The following ERGIC3 variants were observed in gnomAD, a reference collection of about 807,000 sequenced individuals.
The protein encoded by ERGIC3 is endoplasmic reticulum-Golgi intermediate compartment protein 3.
Under a neutral mutation model 54.7 loss-of-function variants are expected in ERGIC3, and 33 were observed. The ratio of observed to expected loss-of-function variants is 0.60; its 90% CI spans 0.46 to 0.81. The LOEUF is 0.81. ERGIC3 is among the 30% of genes least tolerant of loss of function. ERGIC3 has a pLI of 0.00. For missense variants in ERGIC3, 399 were observed against 488.4 expected, an observed-to-expected ratio of 0.82 and a Z score of 1.73; for synonymous variants, 186 against 189.8, an observed-to-expected ratio of 0.98 and a Z score of 0.16.
chr20:35,545,652 C>T (rs1342925933), intron 4 of ERGIC3, among the ~76,000 whole-genome samples: 4 of 152,142 alleles, frequency 2.6e-5, no homozygotes, highest in African/African-American at 9.7e-5. Context: ...TATACTAGTG[C>T]TTACACAGGT....
chr20:35,545,566 T>TCAA (rs138804480), intron 4 of ERGIC3, among the ~76,000 whole-genome samples: 6 of 151,844 alleles, frequency 4.0e-5, no homozygotes, highest in African/African-American at 1.5e-4. Flanking sequence ...AAACTCTGTC[T>TCAA]CAACAACAAC....
At chr20:35,553,019 G>GGTTT (rs2064689546) in intron 7 of ERGIC3, among the ~76,000 whole-genome samples, 3 of 12,630 alleles carry the variant, frequency 2.4e-4, no homozygotes, top group African/African-American at 3.7e-4. Flanking sequence ...CAAAGCTGGG[G>GGTTT]ATTTTTTTTT....
chr20:35,556,394 G>A (rs761760851), intron 10 of ERGIC3, 123 bp downstream of exon 10: 38 of 1,015,866 alleles, frequency 3.7e-5, no homozygotes, highest in African/African-American at 9.6e-5. Context: ...ATAAAAGACT[G>A]AGGCACAGAG....
intron 7 of ERGIC3, among the ~76,000 whole-genome samples, chr20:35,551,242 C>T (rs1250074956): frequency 2.6e-5 from 4 of 151,366 alleles, no homozygotes; most frequent in East Asian, 1.9e-4. Flanking sequence ...TGCAGGGAGC[C>T]GAGATTGTGC....
chr20:35,556,803 A>G (rs1033173615), intron 10 of ERGIC3, 170 bp from the exon 11 acceptor site: 4 of 837,120 alleles, frequency 4.8e-6, no homozygotes, highest in African/African-American at 1.7e-5. Flanking sequence ...AGACTAGGAG[A>G]GGGGGTCTGG....
intron 7 of ERGIC3, chr20:35,554,468 G>C: frequency 6.5e-7 from 1 of 1,535,360 alleles, no homozygotes; most frequent in Non-Finnish European, 9.0e-7. Flanking sequence ...AGGTTGGATG[G>C]GGCTGTGATT....
At chr20:35,553,711 C>G (rs1045596057) in intron 7 of ERGIC3, among the ~76,000 whole-genome samples, 5 of 152,126 alleles carry the variant, frequency 3.3e-5, no homozygotes, top group African/African-American at 1.2e-4. Context: ...CTGGGACCCC[C>G]TCTTCACTCT....
chr20:35,547,581 T>A, intron 5 of ERGIC3, 76 bp downstream of exon 5: 2 of 1,376,194 alleles, frequency 1.5e-6, no homozygotes, highest in Non-Finnish European at 2.1e-6. Flanking sequence ...AGTCAGACTG[T>A]GGCAGGTGGG....
chr20:35,546,807 T>A (rs145241204), intron 4 of ERGIC3, among the ~76,000 whole-genome samples: 14 of 152,122 alleles, frequency 9.2e-5, no homozygotes, highest in Admixed American at 3.9e-4. Flanking sequence ...TTTGGAAGAT[T>A]TGCAGTTATT....
At chr20:35,555,971 G>A in intron 8 of ERGIC3, 62 bp from the exon 9 acceptor site, 1 of 1,507,174 alleles carries the variant, frequency 6.6e-7, no homozygotes, top group Middle Eastern at 1.7e-4. Context: ...GACGGACCCA[G>A]GTGTCCCTGT....
intron 1 of ERGIC3, 22 bp downstream of exon 1, chr20:35,542,207 G>T (rs751598024): frequency 1.3e-5 from 21 of 1,586,582 alleles, no homozygotes; most frequent in Non-Finnish European, 1.8e-5. Context: ...CGGGGCCGGG[G>T]TCGCGTGGAG....
intron 7 of ERGIC3, chr20:35,549,828 G>C (rs759900663): frequency 6.6e-6 from 1 of 152,198 alleles, no homozygotes; most frequent in Non-Finnish European, 1.5e-5. Context: ...GTAGAGATGG[G>C]GTTTCATTAT....
intron 10 of ERGIC3, 166 bp from the exon 11 acceptor site, chr20:35,556,807 G>A (rs2064715416): frequency 1.1e-6 from 1 of 875,420 alleles, no homozygotes; most frequent in Non-Finnish European, 1.8e-6. Flanking sequence ...TAGGAGAGGG[G>A]GTCTGGCGGG....
At chr20:35,555,323 G>A (rs982430442) in intron 8 of ERGIC3, among the ~76,000 whole-genome samples, 6 of 152,090 alleles carry the variant, frequency 3.9e-5, no homozygotes, top group South Asian at 2.1e-4. Flanking sequence ...AAGGTCAGGC[G>A]GGAGCATGGC....
chr20:35,542,990 C>T, intron 4 of ERGIC3, 49 bp downstream of exon 4: 1 of 1,611,236 alleles, frequency 6.2e-7, no homozygotes, highest in Non-Finnish European at 8.5e-7. Flanking sequence ...TGGATGTACC[C>T]AAGCCTATCT....
At chr20:35,553,916 C>T (rs565078114) in intron 7 of ERGIC3, among the ~76,000 whole-genome samples, 1 of 152,218 alleles carries the variant, frequency 6.6e-6, no homozygotes, top group Non-Finnish European at 1.5e-5. Flanking sequence ...TGCAAAGGTA[C>T]AGTTGCCCAA....
intron 7 of ERGIC3, among the ~76,000 whole-genome samples, chr20:35,553,020 A>AGT: frequency 2.4e-5 from 1 of 41,562 alleles, no homozygotes; most frequent in East Asian, 8.7e-4. Context: ...AAAGCTGGGG[A>AGT]TTTTTTTTTT....
chr20:35,547,076 C>CA (rs1024643455), intron 4 of ERGIC3, among the ~76,000 whole-genome samples: 1 of 152,168 alleles, frequency 6.6e-6, no homozygotes, highest in Non-Finnish European at 1.5e-5. Flanking sequence ...CACTTCTCAT[C>CA]AGTGAGCCTC....
In ERGIC3 at chr20:35,557,362, G is replaced by A. The variant is rs570369913; in HGVS notation, c.1073-63G>A. ...GCTGGCCTGGCCAGTTAAGTGACAA[G>A]GCTCTCAGCGTCAAAAGCCAAGGCC... is the stretch of plus-strand genomic sequence containing the variant. On this transcript the variant is annotated intron_variant, in intron 12 of 12. Transcript: ENST00000348547. 1.7e-5 allele frequency: 27 copies of A among 1,608,768 alleles called. No homozygotes were observed. The East Asian group carries it at 5.4e-4, about 32-fold the overall frequency.
Sources: gnomAD v4.1 joint callset for allele counts (sites outside exome capture counted in the v4.1 genomes callset) on GRCh38, gnomAD v4.1.1 for gene constraint, MANE v1.5 for transcripts, NCBI Gene and HGNC (gene_info 2026-07-23, HGNC 2026-07-21) for gene names.